DERL2: variants seen among roughly 807,000 people sequenced by gnomAD.
The protein encoded by DERL2 is derlin 2, also known as derlin-2.
A neutral mutation model predicts 32.0 loss-of-function variants in DERL2; 13 were observed. The observed-to-expected ratio is 0.41, with a 90% CI of 0.26 to 0.65. DERL2 has a LOEUF of 0.65. Ranked by LOEUF, DERL2 falls within the 30% of genes least tolerant of loss-of-function variation. The pLI is 0.35. For synonymous variants in DERL2, 111 were observed against 104.7 expected (o/e 1.06, Z -0.37); for missense variants, 208 against 296.3 (o/e 0.70, Z 2.19).
At position 5,473,917 on chromosome 17, in the gene DERL2, T is replaced by G. The variant is rs1170851044; in HGVS notation, c.*767A>C. ...CCCTGGATACTTCTTAATGGAGAAA[T>G]GTAAGTAAAGCAAATAAGATGCCAC... On this transcript the variant is annotated 3_prime_UTR_variant, in exon 7 of 7. Transcript: ENST00000158771. 6.6e-6 allele frequency: 1 copy of G among 152,140 alleles called. No individual in the cohort carries two copies. Among genetic ancestry groups the G allele is most frequent in the Non-Finnish European group, 1.5e-5 (1 of 68,022 alleles). 9.4% of individuals were successfully genotyped at this position (152,140 alleles called of 1,614,324 possible).
In DERL2 at chr17:5,482,835, G is replaced by T; in HGVS notation, c.207C>A (p.Phe69Leu). 6.6e-7 allele frequency: 1 copy of T among 1,517,472 alleles called. No individual in the cohort carries two copies. Among genetic ancestry groups the T allele is most frequent in the South Asian group, 1.2e-5 (1 of 83,104 alleles). The allele number at this position is 1,517,472 out of a possible 1,614,324, so 94.0% of individuals were successfully genotyped here. A position where few individuals can be genotyped will look rare whatever the true frequency, so the allele number is the denominator to read the frequency against. Residue 69 changes from phenylalanine to leucine, a missense_variant, in exon 3 of 7, where the codon TTC becomes TTA. Transcript: ENST00000158771. ...TNFLFFGPVG[F>L]NFLFNMIFLY... ...GAAAAATCATGTTAAATAAAAAATT[G>T]AATCCAACTGGCCCAAAAAATAAGA...
In DERL2 at chr17:5,473,866, C is replaced by T. The variant is rs1193890854; in HGVS notation, c.*818G>A. The stretch of plus-strand genomic sequence containing the variant: ...TCTAATGAAAATCTTCCTAGTTTTA[C>T]AAAAATGTGGCCCTTACCAATCTTT... On this transcript the variant is annotated 3_prime_UTR_variant, in exon 7 of 7. Coordinates refer to ENST00000158771, the MANE Select transcript of DERL2 (RefSeq NM_016041.5). 1 of 151,942 alleles carries T rather than the reference C, an allele frequency of 6.6e-6. No individual in the cohort carries two copies. The highest frequency in any genetic ancestry group is 6.6e-5 in the Admixed American group (1 of 15,248). 9.4% of individuals were successfully genotyped at this position (151,942 alleles called of 1,614,324 possible).
chr17:5,479,340 AAC>A (rs1905604911), intron 6 of DERL2, among the ~76,000 whole-genome samples: 1 of 152,070 alleles, frequency 6.6e-6, no homozygotes, highest in Non-Finnish European at 1.5e-5. Context: ...ACTATTCTAC[AAC>A]AAACATTTTA....
intron 4 of DERL2, 44 bp from the exon 5 acceptor site, chr17:5,480,626 T>A: frequency 7.0e-7 from 1 of 1,420,740 alleles, no homozygotes; most frequent in Non-Finnish European, 9.3e-7. Flanking sequence ...AAAAGTTTAA[T>A]AGGAAAGACT....
chr17:5,472,078 C>G lies in DERL2; in HGVS notation c.*2606G>C, dbSNP rs943548479. 6.6e-6 allele frequency: 1 copy of G among 152,174 alleles called. No individual in the cohort carries two copies. The highest frequency in any genetic ancestry group is 2.1e-4 in the South Asian group (1 of 4,832). 9.4% of individuals were successfully genotyped at this position (152,174 alleles called of 1,614,324 possible). A position where few individuals can be genotyped will look rare whatever the true frequency, so the allele number is the denominator to read the frequency against. On this transcript the variant is annotated 3_prime_UTR_variant, in exon 7 of 7. Coordinates refer to ENST00000158771, the MANE Select transcript of DERL2 (RefSeq NM_016041.5). ...GAAATCCATACTGGAAAAAAACGCA[C>G]CGAAATGTATATAAAATGTATCTCC...
Position 5,474,467 on chromosome 17 carries a change from A to G in DERL2, c.*217T>C, listed in dbSNP as rs1355648601. ...TTTGTTTCTCCAGTTTTTTGGCTCTAAGAAATTACACTTTCAGTACCAGTG... is the reference window on the plus strand; with the variant it reads ...TTTGTTTCTCCAGTTTTTTGGCTCTGAGAAATTACACTTTCAGTACCAGTG... On this transcript the variant is annotated 3_prime_UTR_variant, in exon 7 of 7. Transcript: ENST00000158771. The surrounding 1 kb of genome is among the most constrained non-coding windows in gnomAD (Gnocchi z 4.3). 6.9e-6 allele frequency: 3 copies of G among 436,150 alleles called. No individual in the cohort carries two copies. The highest frequency in any genetic ancestry group is 1.2e-5 in the Non-Finnish European group (3 of 247,284). The allele number at this position is 436,150 out of a possible 1,614,324, so 27.0% of individuals were successfully genotyped here.
rs1294037740 is a variant in DERL2 at position 5,471,630 on chromosome 17, G to C, written c.*3054C>G. 6.6e-6 allele frequency: 1 copy of C among 152,226 alleles called. No homozygotes were observed. The highest frequency in any genetic ancestry group is 1.5e-5 in the Non-Finnish European group (1 of 68,038). The allele number at this position is 152,226 out of a possible 1,614,324, so 9.4% of individuals were successfully genotyped here. Reference sequence around the variant, plus strand: ...AGAAAAAAACAAGTATGCATATAATGTAGGGGCTTACTAAGAAGTCACTGT... The same window carrying C: ...AGAAAAAAACAAGTATGCATATAATCTAGGGGCTTACTAAGAAGTCACTGT... On this transcript the variant is annotated 3_prime_UTR_variant, in exon 7 of 7. Transcript: ENST00000158771.
intron 2 of DERL2, among the ~76,000 whole-genome samples, chr17:5,483,676 T>C (rs1805458): frequency 0.01 from 1,552 of 152,320 alleles, 80 homozygotes; most frequent in Admixed American, 0.08. Flanking sequence ...ATACTAGTTA[T>C]TCAGCTAAAA....
intron 6 of DERL2, among the ~76,000 whole-genome samples, chr17:5,475,821 GAAAT>G (rs1218422592): frequency 6.6e-6 from 1 of 152,132 alleles, no homozygotes; most frequent in African/African-American, 2.4e-5. Flanking sequence ...AATGAAATAA[GAAAT>G]AAGCCAGACA....
At chr17:5,479,854 C>T (rs762029305) in intron 6 of DERL2, among the ~76,000 whole-genome samples, 200 bp downstream of exon 6, 3 of 152,156 alleles carry the variant, frequency 2.0e-5, no homozygotes, top group South Asian at 4.1e-4. Flanking sequence ...AGCCTGTTGA[C>T]GTTGGTCTTG....
chr17:5,485,993 G>C, intron 1 of DERL2, 76 bp downstream of exon 1: 1 of 1,405,844 alleles, frequency 7.1e-7, no homozygotes, highest in Non-Finnish European at 9.8e-7. Flanking sequence ...GCCTCCCCGA[G>C]GCCCAAACCC....
chr17:5,477,222 TTA>T (rs1340096332), intron 6 of DERL2, among the ~76,000 whole-genome samples: 1 of 152,088 alleles, frequency 6.6e-6, no homozygotes, highest in Non-Finnish European at 1.5e-5. Context: ...CTCAAAAACA[TTA>T]TGTTGAATGA....
chr17:5,481,255 G>T lies in DERL2; in HGVS notation c.327+41C>A. The stretch of plus-strand genomic sequence containing the variant: ...ATGACAAGCTTTAGGAAGAGCCAGG[G>T]TGTTCTTCAACATTTTCCCGTGTTG... On this transcript the variant is annotated intron_variant, in intron 4 of 6. Coordinates refer to ENST00000158771, the MANE Select transcript of DERL2 (RefSeq NM_016041.5). This position sits in a 1 kb window ranked among gnomAD's most constrained non-coding sequence, Gnocchi z 4.4. The T allele has an allele frequency of 7.2e-7, 1 of 1,390,812 alleles. No individual in the cohort carries two copies. The highest frequency in any genetic ancestry group is 1.0e-6 in the Non-Finnish European group (1 of 976,204). The allele number at this position is 1,390,812 out of a possible 1,614,324, so 86.2% of individuals were successfully genotyped here.
rs1349722908 is a variant in DERL2, at chr17:5,471,510, A to G, written c.*3174T>C. ...AGACAATAAAATAGGCCTTAGAGTC[A>G]AGATTTTTTGAGGAATCAGGAACAA... is the stretch of plus-strand genomic sequence containing the variant. On this transcript the variant is annotated 3_prime_UTR_variant, in exon 7 of 7. Coordinates refer to ENST00000158771, the MANE Select transcript of DERL2 (RefSeq NM_016041.5). 1 of 152,238 alleles carries G rather than the reference A, an allele frequency of 6.6e-6. No homozygotes were observed. The highest frequency in any genetic ancestry group is 1.5e-5 in the Non-Finnish European group (1 of 68,036). 9.4% of individuals were successfully genotyped at this position (152,238 alleles called of 1,614,324 possible).
rs1031563067 is a variant in DERL2 at position 5,473,798 on chromosome 17, A to T, written c.*886T>A. 25 of 151,980 alleles carry T rather than the reference A, an allele frequency of 1.6e-4. No individual in the cohort carries two copies. Among genetic ancestry groups the T allele is most frequent in the African/African-American group, 4.8e-4 (20 of 41,398 alleles). The allele number at this position is 151,980 out of a possible 1,614,324, so 9.4% of individuals were successfully genotyped here. A position where few individuals can be genotyped will look rare whatever the true frequency, so the allele number is the denominator to read the frequency against. On this transcript the variant is annotated 3_prime_UTR_variant, in exon 7 of 7. Transcript: ENST00000158771. ...GAGACCCCATCTGTATTTAAAAAAAAATTTTTAATTAAAACTTTTTTAAAA... is the reference window on the plus strand; with the variant it reads ...GAGACCCCATCTGTATTTAAAAAAATATTTTTAATTAAAACTTTTTTAAAA...
chr17:5,475,409 G>A (rs1000420038), intron 6 of DERL2, among the ~76,000 whole-genome samples: 1 of 151,134 alleles, frequency 6.6e-6, no homozygotes, highest in Non-Finnish European at 1.5e-5. Flanking sequence ...ACAGGCGCCC[G>A]CCACCACGCC....
chr17:5,480,265 A>G (rs1905687459), intron 5 of DERL2, 121 bp from the exon 6 acceptor site: 4 of 1,230,442 alleles, frequency 3.3e-6, no homozygotes, highest in Non-Finnish European at 4.6e-6. Flanking sequence ...AAAATTAATG[A>G]ACTAATATTG....
At chr17:5,485,242 A>G in intron 1 of DERL2, 26 bp from the exon 2 acceptor site, 1 of 1,492,914 alleles carries the variant, frequency 6.7e-7, no homozygotes, top group Non-Finnish European at 8.9e-7. Context: ...AGCTTCTTAA[A>G]GCAAATCAAG....
rs1055936570 is a variant in DERL2 at position 5,474,200 on chromosome 17, A to G, written c.*484T>C. The G allele has an allele frequency of 1.3e-5, 2 of 152,318 alleles. No homozygotes were observed. Among genetic ancestry groups the G allele is most frequent in the African/African-American group, 4.8e-5 (2 of 41,474 alleles). 9.4% of individuals were successfully genotyped at this position (152,318 alleles called of 1,614,324 possible). ...TAAAAGTTGTGAAGACACAGGAAGA[A>G]CAGCTGTGTAAACTGTTCTGAGCTC... On this transcript the variant is annotated 3_prime_UTR_variant, in exon 7 of 7. Transcript: ENST00000158771. This position sits in a 1 kb window ranked among gnomAD's most constrained non-coding sequence, Gnocchi z 4.3.
Sources: allele counts gnomAD v4.1 joint callset (sites outside exome capture counted in the v4.1 genomes callset), GRCh38; gene constraint gnomAD v4.1.1; non-coding constraint Gnocchi (gnomAD v3.1); transcripts MANE v1.5; gene names NCBI Gene and HGNC (gene_info 2026-07-23, HGNC 2026-07-21).